ASS1: variants seen among roughly 807,000 people sequenced by gnomAD.
ASS1 encodes the protein argininosuccinate synthase 1, also known as argininosuccinate synthase.
Under a neutral mutation model 60.5 loss-of-function variants are expected in ASS1, and 58 were observed. The observed-to-expected ratio is 0.96, with a 90% CI of 0.78 to 1.19. The LOEUF is 1.19. ASS1 is among the 50% of genes most tolerant of loss of function. ASS1 has a pLI of 0.00. For synonymous variants in ASS1, 200 were observed against 206.9 expected (o/e 0.97, Z 0.29); for missense variants, 454 against 547.3 (o/e 0.83, Z 1.70).
At chr9:130,493,748 G>GGCCT (rs58946745) in intron 12 of ASS1, among the ~76,000 whole-genome samples, 5,202 of 152,044 alleles carry the variant, frequency 0.034, 304 homozygotes, top group African/African-American at 0.12. Flanking sequence ...CCCCCGCCAT[G>GGCCT]GCCTGCCTGC....
At chr9:130,495,566 G>A (rs1846577216) in intron 13 of ASS1, among the ~76,000 whole-genome samples, 2 of 151,650 alleles carry the variant, frequency 1.3e-5, no homozygotes, top group Admixed American at 6.6e-5. Flanking sequence ...AGCAGAAGGA[G>A]TTAACAGGTG....
chr9:130,490,472 C>T (rs1846423775), intron 12 of ASS1, among the ~76,000 whole-genome samples: 1 of 151,932 alleles, frequency 6.6e-6, no homozygotes, highest in Non-Finnish European at 1.5e-5. Context: ...CGCCACCATG[C>T]CTGGCTAGTT....
chr9:130,501,071 A>G lies in ASS1; in HGVS notation c.*50A>G. 1 of 1,542,776 alleles carries G rather than the reference A, an allele frequency of 6.5e-7. No homozygotes were observed. Among genetic ancestry groups the G allele is most frequent in the Non-Finnish European group, 8.9e-7 (1 of 1,122,146 alleles). Reference sequence around the variant, plus strand: ...GCCTCCTCAATTTGCAGATCCCCCAAGTACAGGCGCTAATTGTTGTGATAA... The same window carrying G: ...GCCTCCTCAATTTGCAGATCCCCCAGGTACAGGCGCTAATTGTTGTGATAA... On this transcript the variant is annotated 3_prime_UTR_variant, in exon 15 of 15. Coordinates refer to ENST00000352480, the MANE Select transcript of ASS1 (RefSeq NM_054012.4).
intron 14 of ASS1, 103 bp downstream of exon 14, chr9:130,499,673 C>T (rs1846695256): frequency 8.2e-7 from 1 of 1,215,164 alleles, no homozygotes; most frequent in Middle Eastern, 1.9e-4. Context: ...GCGACCTTGA[C>T]TGCTGCCCTG....
chr9:130,457,597 G>T (rs1845475828), intron 3 of ASS1, among the ~76,000 whole-genome samples: 1 of 152,150 alleles, frequency 6.6e-6, no homozygotes, highest in African/African-American at 2.4e-5. Flanking sequence ...GTTCCCGTGT[G>T]GCTGGCCGTC....
chr9:130,490,307 A>T (rs970736366), intron 12 of ASS1, among the ~76,000 whole-genome samples: 1 of 151,846 alleles, frequency 6.6e-6, no homozygotes, highest in African/African-American at 2.4e-5. Flanking sequence ...TTTTTATTTT[A>T]TTTATTTATT....
chr9:130,454,268 C>G (rs537497392), intron 2 of ASS1, 37 bp from the exon 3 acceptor site: 1 of 1,598,368 alleles, frequency 6.3e-7, no homozygotes. Flanking sequence ...GGGCTCCCCC[C>G]AGGGGCTGAC....
chr9:130,484,449 C>T (rs1361541598), intron 11 of ASS1, among the ~76,000 whole-genome samples: 1 of 152,080 alleles, frequency 6.6e-6, no homozygotes, highest in Non-Finnish European at 1.5e-5. Context: ...CTCCCCACTC[C>T]CCGCTGCACC....
chr9:130,465,045 TATATA>T (rs1845696667), intron 5 of ASS1, among the ~76,000 whole-genome samples: 1 of 102,412 alleles, frequency 9.8e-6, no homozygotes, highest in Admixed American at 9.4e-5. Flanking sequence ...TATATATATA[TATATA>T]TATATATTTT....
At chr9:130,486,553 G>C (rs547993223) in intron 11 of ASS1, among the ~76,000 whole-genome samples, 1 of 152,286 alleles carries the variant, frequency 6.6e-6, no homozygotes, top group African/African-American at 2.4e-5. Flanking sequence ...TGTTTTACAA[G>C]AGTCACGGTG....
At chr9:130,462,165 G>A (rs912741707) in intron 4 of ASS1, among the ~76,000 whole-genome samples, 4 of 152,124 alleles carry the variant, frequency 2.6e-5, no homozygotes, top group Admixed American at 2.6e-4. Context: ...CCTAGTTTTG[G>A]AAGAGGGGCC....
intron 13 of ASS1, among the ~76,000 whole-genome samples, chr9:130,497,985 C>T (rs972378619): frequency 6.6e-6 from 1 of 152,158 alleles, no homozygotes; most frequent in African/African-American, 2.4e-5. Flanking sequence ...AGTGCCTGAG[C>T]CCTGGAGGGG....
chr9:130,474,089 G>A (rs1845953235), intron 8 of ASS1, among the ~76,000 whole-genome samples: 1 of 111,636 alleles, frequency 9.0e-6, no homozygotes, highest in African/African-American at 3.5e-5. Context: ...GATGACATTG[G>A]AAGTGAGCCC....
chr9:130,458,689 G>T (rs1845510559), intron 4 of ASS1, 100 bp downstream of exon 4: 12 of 1,478,700 alleles, frequency 8.1e-6, no homozygotes, highest in Non-Finnish European at 9.2e-6. Context: ...TGCCTCCGGG[G>T]CAGACTTGGT....
chr9:130,479,855 C>T (rs760297911), intron 10 of ASS1, 55 bp downstream of exon 10: 31 of 1,542,018 alleles, frequency 2.0e-5, no homozygotes, highest in Non-Finnish European at 2.5e-5. Context: ...CGGGCGAGCA[C>T]GAGCCTGGAC....
intron 8 of ASS1, among the ~76,000 whole-genome samples, chr9:130,474,061 CA>C (rs1195765483): frequency 0.029 from 240 of 8,232 alleles, 1 homozygote; most frequent in Non-Finnish European, 0.029. Context: ...CCCTCCCCCG[CA>C]CCCCCCCCCC....
intron 6 of ASS1, among the ~76,000 whole-genome samples, chr9:130,468,223 T>G (rs183094921): frequency 8.9e-4 from 135 of 152,282 alleles, no homozygotes; most frequent in Admixed American, 1.6e-3. Context: ...GGATCTGAGA[T>G]GGATGACACA....
chr9:130,465,332 T>G (rs990849305), intron 5 of ASS1, among the ~76,000 whole-genome samples: 2 of 152,170 alleles, frequency 1.3e-5, no homozygotes, highest in Non-Finnish European at 2.9e-5. Flanking sequence ...GTAGCCATAT[T>G]AAAAAATAGA....
At chr9:130,480,167 C>T (rs1367863322) in intron 10 of ASS1, among the ~76,000 whole-genome samples, 1 of 152,234 alleles carries the variant, frequency 6.6e-6, no homozygotes, top group Non-Finnish European at 1.5e-5. Flanking sequence ...TGAACTCACA[C>T]CTGGGCAATC....
Sources: allele counts gnomAD v4.1 joint callset (sites outside exome capture counted in the v4.1 genomes callset), GRCh38; gene constraint gnomAD v4.1.1; transcripts MANE v1.5; gene names NCBI Gene and HGNC (gene_info 2026-07-23, HGNC 2026-07-21).